Variants in SGCZ observed in about 807,000 individuals in gnomAD.
The protein encoded by SGCZ is zeta-sarcoglycan.
A neutral mutation model predicts 41.3 loss-of-function variants in SGCZ; 40 were observed. The ratio of observed to expected loss-of-function variants is 0.97; its 90% CI spans 0.75 to 1.26. The LOEUF is 1.26. Among genes scored for constraint, SGCZ ranks in the 50% most tolerant of loss-of-function variants. The probability of loss-of-function intolerance (pLI) is 0.00; values close to 1 mark genes in which losing one functional copy is unlikely to be tolerated. For synonymous variants in SGCZ, 206 were observed against 137.5 expected, an observed-to-expected ratio of 1.50 and a Z score of -3.49; for missense variants, 552 against 369.8, an observed-to-expected ratio of 1.49 and a Z score of -4.04.
At chr8:14,231,104 G>A (rs943556418) in intron 4 of SGCZ, among the ~76,000 whole-genome samples, 1 of 149,578 alleles carries the variant, frequency 6.7e-6, no homozygotes, top group Non-Finnish European at 1.5e-5. Context: ...TTTCTAAAAG[G>A]TGTCCTGACT....
chr8:15,194,932 G>A (rs528270323), intron 1 of SGCZ, among the ~76,000 whole-genome samples: 19 of 152,266 alleles, frequency 1.2e-4, no homozygotes, highest in Admixed American at 6.5e-5. Context: ...AACACATTGC[G>A]AAAGTATCTA....
chr8:14,803,570 A>T (rs1054486127), intron 1 of SGCZ, among the ~76,000 whole-genome samples: 4 of 152,122 alleles, frequency 2.6e-5, no homozygotes, highest in Non-Finnish European at 5.9e-5. Flanking sequence ...CCCGGCTCAG[A>T]GGGTCTGACG....
chr8:14,340,089 G>T (rs1357712048), intron 2 of SGCZ, among the ~76,000 whole-genome samples: 1 of 152,076 alleles, frequency 6.6e-6, no homozygotes, highest in Non-Finnish European at 1.5e-5. Context: ...ATCTGCTGAA[G>T]ATATGGTCAA....
intron 5 of SGCZ, among the ~76,000 whole-genome samples, chr8:14,111,799 A>C (rs1051366022): frequency 6.6e-6 from 1 of 152,190 alleles, no homozygotes; most frequent in Non-Finnish European, 1.5e-5. Context: ...CTTTGCCGGA[A>C]AGGAGAAAAG....
At chr8:14,798,531 A>G (rs1563276935) in intron 1 of SGCZ, among the ~76,000 whole-genome samples, 1 of 152,196 alleles carries the variant, frequency 6.6e-6, no homozygotes, top group Non-Finnish European at 1.5e-5. Context: ...TTTCTGAAAG[A>G]AAAAAAGCAA....
At chr8:14,247,750 C>A (rs928920240) in intron 3 of SGCZ, among the ~76,000 whole-genome samples, 1 of 152,164 alleles carries the variant, frequency 6.6e-6, no homozygotes, top group Admixed American at 6.5e-5. Flanking sequence ...TGCCCTCACA[C>A]CAGCCCCAGG....
chr8:14,179,844 A>G (rs1804665074), intron 4 of SGCZ, among the ~76,000 whole-genome samples: 1 of 152,066 alleles, frequency 6.6e-6, no homozygotes, highest in Non-Finnish European at 1.5e-5. Context: ...CTTGGTATAA[A>G]CCCTCTACCC....
chr8:15,111,695 A>G (rs1807063533), intron 1 of SGCZ, among the ~76,000 whole-genome samples: 1 of 151,974 alleles, frequency 6.6e-6, no homozygotes, highest in Non-Finnish European at 1.5e-5. Flanking sequence ...AGGTCAAGAG[A>G]TGGAGACCAT....
chr8:14,344,838 AT>A (rs11353205), intron 2 of SGCZ, among the ~76,000 whole-genome samples: 8,784 of 151,618 alleles, frequency 0.058, 741 homozygotes, highest in African/African-American at 0.19. Context: ...TAAAACTACA[AT>A]TTTTTTTTAA....
intron 4 of SGCZ, among the ~76,000 whole-genome samples, chr8:14,226,852 C>A (rs1434772679): frequency 6.6e-6 from 1 of 152,024 alleles, no homozygotes; most frequent in East Asian, 1.9e-4. Context: ...GCTTTGTATC[C>A]AATCTAACAC....
intron 1 of SGCZ, among the ~76,000 whole-genome samples, chr8:15,188,224 C>T (rs924002566): frequency 1.3e-5 from 2 of 151,908 alleles, no homozygotes; most frequent in South Asian, 2.1e-4. Context: ...AAAATAAATG[C>T]AAAGAATGGA....
At chr8:14,900,338 G>T (rs1798931976) in intron 1 of SGCZ, among the ~76,000 whole-genome samples, 1 of 152,000 alleles carries the variant, frequency 6.6e-6, no homozygotes, top group Non-Finnish European at 1.5e-5. Flanking sequence ...ACCCCCAACG[G>T]CTCTAGATTC....
intron 2 of SGCZ, among the ~76,000 whole-genome samples, chr8:14,497,279 C>A (rs1018296666): frequency 6.6e-6 from 1 of 152,124 alleles, no homozygotes; most frequent in Non-Finnish European, 1.5e-5. Context: ...AGCTTATAAT[C>A]ATGGAAGAAG....
At chr8:14,435,083 T>C (rs1327965213) in intron 2 of SGCZ, among the ~76,000 whole-genome samples, 1 of 152,218 alleles carries the variant, frequency 6.6e-6, no homozygotes, top group Non-Finnish European at 1.5e-5. Flanking sequence ...TCAAAGTCGA[T>C]ATACTAGAGC....
At chr8:14,329,034 T>G (rs1249066363) in intron 2 of SGCZ, among the ~76,000 whole-genome samples, 2 of 151,786 alleles carry the variant, frequency 1.3e-5, no homozygotes, top group Non-Finnish European at 2.9e-5. Context: ...CTTCCCAGCC[T>G]TCAAAACTGT....
At chr8:14,198,271 T>C (rs924714292) in intron 4 of SGCZ, among the ~76,000 whole-genome samples, 1 of 152,188 alleles carries the variant, frequency 6.6e-6, no homozygotes, top group Non-Finnish European at 1.5e-5. Context: ...TTTCAGTTAT[T>C]AGATTAACTG....
chr8:14,108,358 A>G (rs1417798175), intron 5 of SGCZ, 123 bp from the exon 6 acceptor site: 11 of 782,946 alleles, frequency 1.4e-5, no homozygotes, highest in Non-Finnish European at 2.1e-5. Flanking sequence ...CATATGATGT[A>G]TTAGTCCGTT....
chr8:14,442,623 C>G (rs143317317), intron 2 of SGCZ, among the ~76,000 whole-genome samples: 1 of 151,990 alleles, frequency 6.6e-6, no homozygotes, highest in South Asian at 2.1e-4. Flanking sequence ...GCTAATGGTC[C>G]CTTATATAGA....
chr8:14,423,822 C>G (rs1019665548), intron 2 of SGCZ, among the ~76,000 whole-genome samples: 9 of 152,138 alleles, frequency 5.9e-5, no homozygotes, highest in African/African-American at 1.9e-4. Flanking sequence ...CTCTCATTTA[C>G]TTTCTCTCTC....
Sources: gnomAD v4.1 joint callset for allele counts (sites outside exome capture counted in the v4.1 genomes callset) on GRCh38, gnomAD v4.1.1 for gene constraint, MANE v1.5 for transcripts, NCBI Gene and HGNC (gene_info 2026-07-23, HGNC 2026-07-21) for gene names.